AXDND1: variants seen among roughly 807,000 people sequenced by gnomAD.
AXDND1 encodes axonemal dynein light chain domain-containing protein 1.
AXDND1 carries 110 observed loss-of-function variants against 137.5 expected under a neutral mutation model. That is an observed-to-expected ratio of 0.80 (90% CI 0.69 to 0.94). The LOEUF (loss-of-function observed/expected upper bound fraction) is 0.94, where lower values mean the gene tolerates loss of function less well. Among genes scored for constraint, AXDND1 ranks in the 40% least tolerant of loss-of-function variants. The pLI is 0.00. For missense variants in AXDND1, 1,191 were observed against 1,169.8 expected (o/e 1.02, Z -0.26); for synonymous variants, 414 against 399.7 (o/e 1.04, Z -0.43).
At chr1:179,517,602 C>T (rs902720261) in intron 21 of AXDND1, among the ~76,000 whole-genome samples, 2 of 152,192 alleles carry the variant, frequency 1.3e-5, no homozygotes, top group Non-Finnish European at 2.9e-5. Context: ...GCTTGGGGAC[C>T]CTGCGAACTC....
chr1:179,385,199 C>A (rs1409617483), intron 8 of AXDND1, 39 bp from the exon 9 acceptor site: 1 of 1,570,692 alleles, frequency 6.4e-7, no homozygotes, highest in East Asian at 2.2e-5. Context: ...TTTACTAAGA[C>A]TGTAATAAGT....
chr1:179,384,197 C>T (rs1009298208), intron 8 of AXDND1, among the ~76,000 whole-genome samples: 8 of 152,116 alleles, frequency 5.3e-5, no homozygotes, highest in Admixed American at 6.6e-5. Context: ...AACCTTTACC[C>T]GGATTCTCCA....
chr1:179,421,925 G>A (rs529248228), intron 12 of AXDND1, among the ~76,000 whole-genome samples: 49 of 151,456 alleles, frequency 3.2e-4, no homozygotes, highest in South Asian at 1.3e-3. Context: ...CTGTAATCCC[G>A]GCTACTTGGG....
At chr1:179,386,176 C>G (rs6679587) in intron 9 of AXDND1, among the ~76,000 whole-genome samples, 50,378 of 151,092 alleles carry the variant, frequency 0.33, 8,899 homozygotes, top group Middle Eastern at 0.45. Flanking sequence ...CTCAGCCTCC[C>G]GAGTAGCTGG....
chr1:179,501,535 C>A (rs960486364), intron 20 of AXDND1, among the ~76,000 whole-genome samples: 22 of 152,002 alleles, frequency 1.4e-4, no homozygotes, highest in Non-Finnish European at 2.5e-4. Flanking sequence ...TACAGTGAAA[C>A]CCCATCTCTA....
At chr1:179,461,688 G>C (rs1287246986) in intron 16 of AXDND1, among the ~76,000 whole-genome samples, 1 of 152,142 alleles carries the variant, frequency 6.6e-6, no homozygotes, top group Non-Finnish European at 1.5e-5. Flanking sequence ...CATGAACATG[G>C]AGTGTTCTGC....
chr1:179,542,979 T>C (rs1023105702), intron 25 of AXDND1, among the ~76,000 whole-genome samples: 1 of 152,118 alleles, frequency 6.6e-6, no homozygotes, highest in Admixed American at 6.6e-5. Context: ...AAACAGAGTC[T>C]CCAGAAAATC....
chr1:179,452,855 C>A (rs4393115), intron 16 of AXDND1: 48,713 of 150,624 alleles, frequency 0.32, 8,204 homozygotes, highest in Middle Eastern at 0.41. Context: ...GTCTTCATGG[C>A]AGCCCCTTCC....
intron 25 of AXDND1, among the ~76,000 whole-genome samples, chr1:179,548,066 G>A (rs181341060): frequency 6.6e-6 from 1 of 152,236 alleles, no homozygotes; most frequent in East Asian, 1.9e-4. Context: ...AAAAACAGGA[G>A]ACCATATGTG....
intron 15 of AXDND1, among the ~76,000 whole-genome samples, chr1:179,443,214 T>C (rs192196564): frequency 2.0e-5 from 3 of 152,340 alleles, no homozygotes; most frequent in South Asian, 2.1e-4. Context: ...TTTGATCATA[T>C]AGCCTCAAGT....
Position 179,395,111 on chromosome 1 carries a change from G to T in AXDND1, c.1018G>T (p.Val340Phe). The change falls in exon 11 of 26, where the codon GTT becomes TTT. Residue 340 changes from valine to phenylalanine, a missense_variant. Val to Phe is a conservative substitution (Grantham distance 50, BLOSUM62 -1). Coordinates refer to ENST00000367618, the MANE Select transcript of AXDND1 (RefSeq NM_144696.6). ...IEELTRELCLVRAHDVKLTKE... is the reference protein window; with the variant it reads ...IEELTRELCLFRAHDVKLTKE... Reference sequence around the variant, plus strand: ...GCTTTATTTCAGGGAACTGTGTCTAGTTCGGGCACATGATGTGAAATTAAC... The same window carrying T: ...GCTTTATTTCAGGGAACTGTGTCTATTTCGGGCACATGATGTGAAATTAAC... 1.2e-6 allele frequency: 2 copies of T among 1,612,160 alleles called. No homozygotes were observed. The highest frequency in any genetic ancestry group is 1.7e-6 in the Non-Finnish European group (2 of 1,179,190).
At position 179,492,932 on chromosome 1, in the gene AXDND1, A is replaced by G. The variant is rs201169529; in HGVS notation, c.2369A>G (p.Tyr790Cys). ...CACAAAAATGCTACTGAAGACCTTTATGAGGTGGATAAGTTGAAGGTAATA... is the reference window on the plus strand; with the variant it reads ...CACAAAAATGCTACTGAAGACCTTTGTGAGGTGGATAAGTTGAAGGTAATA... ...NSHKNATEDL[Y>C]EVDKLKKECY... Residue 790 changes from tyrosine to cysteine, a missense_variant, in exon 20 of 26, where the codon TAT (tyrosine) becomes TGT (cysteine). Transcript: ENST00000367618. The G allele has an allele frequency of 1.3e-4, 206 of 1,606,318 alleles. 1 individual carries two copies. The East Asian group carries it at 3.8e-3, about 30-fold the overall frequency.
At chr1:179,549,153 G>C (rs376489738) in intron 25 of AXDND1, among the ~76,000 whole-genome samples, 17 of 152,148 alleles carry the variant, frequency 1.1e-4, no homozygotes, top group African/African-American at 3.9e-4. Flanking sequence ...AACATATCAT[G>C]GTTTTAGATT....
At chr1:179,461,890 G>T (rs1168023557) in intron 16 of AXDND1, among the ~76,000 whole-genome samples, 1 of 152,180 alleles carries the variant, frequency 6.6e-6, no homozygotes, top group East Asian at 1.9e-4. Context: ...TTTGCACATT[G>T]ATTTTGTATC....
chr1:179,518,919 T>C (rs1183798465), intron 21 of AXDND1, among the ~76,000 whole-genome samples: 1 of 152,214 alleles, frequency 6.6e-6, no homozygotes. Flanking sequence ...ATGGGATTGC[T>C]GGGTCAAATG....
At chr1:179,484,424 G>A (rs1205135796) in intron 18 of AXDND1, among the ~76,000 whole-genome samples, 1 of 152,168 alleles carries the variant, frequency 6.6e-6, no homozygotes, top group Non-Finnish European at 1.5e-5. Context: ...GACAGGGCCA[G>A]TTTCACCTGA....
chr1:179,443,261 C>A (rs917147487), intron 15 of AXDND1, among the ~76,000 whole-genome samples: 1 of 152,218 alleles, frequency 6.6e-6, no homozygotes, highest in Non-Finnish European at 1.5e-5. Context: ...GGGGCTTCGG[C>A]TCCCTATAAG....
chr1:179,416,701 C>T (rs1037580284), intron 12 of AXDND1, among the ~76,000 whole-genome samples: 3 of 152,292 alleles, frequency 2.0e-5, no homozygotes, highest in Admixed American at 2.0e-4. Context: ...GGCTATGATG[C>T]TTACAGCATT....
intron 2 of AXDND1, among the ~76,000 whole-genome samples, chr1:179,368,562 GTACC>G (rs1330989407): frequency 6.6e-6 from 1 of 152,154 alleles, no homozygotes; most frequent in East Asian, 1.9e-4. Context: ...GTTCATCTTG[GTACC>G]TGAGTTTTTG....
Sources: gnomAD v4.1 joint callset for allele counts (sites outside exome capture counted in the v4.1 genomes callset) on GRCh38, gnomAD v4.1.1 for gene constraint, MANE v1.5 for transcripts, NCBI Gene and HGNC (gene_info 2026-07-23, HGNC 2026-07-21) for gene names.